Variants in POU2AF1 observed in about 807,000 individuals in gnomAD.
The protein encoded by POU2AF1 is POU domain class 2-associating factor 1.
POU2AF1 carries 12 observed loss-of-function variants against 26.3 expected under a neutral mutation model. The ratio of observed to expected loss-of-function variants is 0.46; its 90% CI spans 0.29 to 0.74. The LOEUF is 0.74. Ranked by LOEUF, POU2AF1 falls within the 30% of genes least tolerant of loss-of-function variation. The pLI is 0.09. For missense variants in POU2AF1, 297 were observed against 334.5 expected (o/e 0.89, Z 0.87); for synonymous variants, 175 against 148.0 (o/e 1.18, Z -1.32).
In POU2AF1 at chr11:111,354,187, T is replaced by C. The variant is rs571649581; in HGVS notation, c.*74A>G. On this transcript the variant is annotated 3_prime_UTR_variant, in exon 5 of 5. Transcript: ENST00000393067. The stretch of plus-strand genomic sequence containing the variant: ...ATGAAATGACTACTCCAAACAAGCA[T>C]GAACCTGGGGCTCAATTCCAGGCTC... 1.6e-5 allele frequency: 25 copies of C among 1,517,496 alleles called. No homozygotes were observed. Among genetic ancestry groups the C allele is most frequent in the Middle Eastern group, 3.5e-4 (2 of 5,738 alleles). 94.0% of individuals were successfully genotyped at this position (1,517,496 alleles called of 1,614,324 possible).
rs773871828 is a variant in POU2AF1 at position 111,352,694 on chromosome 11, G to A, written c.*1567C>T. ...CTCACGCCTGTGATCCCAGCACTCTGAGAGGCTGAGGCGGGCGGATCACAA... is the reference window on the plus strand; with the variant it reads ...CTCACGCCTGTGATCCCAGCACTCTAAGAGGCTGAGGCGGGCGGATCACAA... On this transcript the variant is annotated 3_prime_UTR_variant, in exon 5 of 5. Transcript: ENST00000393067. 3 of 171,334 alleles carry A rather than the reference G, an allele frequency of 1.8e-5. No individual in the cohort carries two copies. Among genetic ancestry groups the A allele is most frequent in the Admixed American group, 1.3e-4 (2 of 15,690 alleles). The allele number at this position is 171,334 out of a possible 1,614,324, so 10.6% of individuals were successfully genotyped here.
intron 1 of POU2AF1, among the ~76,000 whole-genome samples, chr11:111,361,420 C>T (rs57173328): frequency 6.6e-6 from 1 of 152,140 alleles, no homozygotes. Context: ...GTGGAAAGTT[C>T]TTAGATTTAT....
chr11:111,354,561 G>C lies in POU2AF1; in HGVS notation c.471C>G (p.Ala157=), dbSNP rs1860806491. The C allele has an allele frequency of 6.5e-7, 1 of 1,529,176 alleles. No individual in the cohort carries two copies. Among genetic ancestry groups the C allele is most frequent in the Non-Finnish European group, 8.7e-7 (1 of 1,144,134 alleles). 94.7% of individuals were successfully genotyped at this position (1,529,176 alleles called of 1,614,324 possible). ...LITNVTTRSS[A]TPAVGPPLEG... The stretch of plus-strand genomic sequence containing the variant: ...CCAGCGGGGGCCCCACTGCGGGCGT[G>C]GCGGAGCTTCTTGTCTGTGACAGGA... The change falls in exon 5 of 5, where the codon GCC becomes GCG. Residue 157 remains alanine, a synonymous_variant. Coordinates refer to ENST00000393067, the MANE Select transcript of POU2AF1 (RefSeq NM_006235.3).
intron 1 of POU2AF1, among the ~76,000 whole-genome samples, chr11:111,366,470 C>T (rs998385029): frequency 2.0e-5 from 3 of 152,192 alleles, no homozygotes; most frequent in Non-Finnish European, 4.4e-5. Flanking sequence ...TAATATCTTG[C>T]TTGGTAGGCT....
At chr11:111,372,417 T>A (rs1861231667) in intron 1 of POU2AF1, among the ~76,000 whole-genome samples, 1 of 152,168 alleles carries the variant, frequency 6.6e-6, no homozygotes, top group South Asian at 2.1e-4. Flanking sequence ...AGGGCTTTTT[T>A]TTGCCATTGG....
chr11:111,367,504 G>A (rs1339594553), intron 1 of POU2AF1, among the ~76,000 whole-genome samples: 1 of 151,832 alleles, frequency 6.6e-6, no homozygotes, highest in Non-Finnish European at 1.5e-5. Context: ...GTAAGTAACA[G>A]TGTCCTCAAC....
chr11:111,358,875 C>T lies in POU2AF1; in HGVS notation c.60G>A (p.Gln20=). 1.2e-6 allele frequency: 2 copies of T among 1,608,602 alleles called. No individual in the cohort carries two copies. Among genetic ancestry groups the T allele is most frequent in the Non-Finnish European group, 1.7e-6 (2 of 1,179,964 alleles). ...TCACTGGCTCCTTCACACGGACGCCCTGGTATGGCCGGGCCGGGGCTGGGG... is the reference window on the plus strand; with the variant it reads ...TCACTGGCTCCTTCACACGGACGCCTTGGTATGGCCGGGCCGGGGCTGGGG... ...EQAPAPARPY[Q]GVRVKEPVKE... The change falls in exon 2 of 5, where the codon CAG becomes CAA. Residue 20 remains glutamine (Q), a synonymous_variant. Coordinates refer to ENST00000393067, the MANE Select transcript of POU2AF1 (RefSeq NM_006235.3).
chr11:111,353,368 A>G lies in POU2AF1; in HGVS notation c.*893T>C, dbSNP rs1398827388. ...GCATCAAACTCAAGCTTCCTCCCAC[A>G]CCCCTCTCTCCAACTAAGATGCACA... On this transcript the variant is annotated 3_prime_UTR_variant, in exon 5 of 5. Coordinates refer to ENST00000393067, the MANE Select transcript of POU2AF1 (RefSeq NM_006235.3). The G allele has an allele frequency of 4.3e-6, 1 of 232,966 alleles. No homozygotes were observed. Among genetic ancestry groups the G allele is most frequent in the Non-Finnish European group, 8.5e-6 (1 of 118,200 alleles). The allele number at this position is 232,966 out of a possible 1,614,324, so 14.4% of individuals were successfully genotyped here.
rs7117531 is a variant in POU2AF1, at chr11:111,367,971, G to A, written c.17-9053C>T. On this transcript the variant is annotated intron_variant, in intron 1 of 4. Coordinates refer to ENST00000393067, the MANE Select transcript of POU2AF1 (RefSeq NM_006235.3). ...GTTCGCAGATACACTGTGTCCCAGG[G>A]TAGGGGACAAGACCAAGAGACCCCT... Among the ~76,000 whole-genome samples the A allele has an allele frequency of 5.2e-3, 787 of 152,312 alleles. 10 individuals are homozygous for A. Among genetic ancestry groups the A allele is most frequent in the African/African-American group, 0.017 (719 of 41,558 alleles).
At chr11:111,373,337 A>C (rs970218462) in intron 1 of POU2AF1, among the ~76,000 whole-genome samples, 2 of 152,218 alleles carry the variant, frequency 1.3e-5, no homozygotes, top group Non-Finnish European at 2.9e-5. Flanking sequence ...AGCAGTTCTC[A>C]GCCTTCTCAC....
At chr11:111,377,816 T>C in intron 1 of POU2AF1, 1 of 185,208 alleles carries the variant, frequency 5.4e-6, no homozygotes, top group East Asian at 8.6e-5. Flanking sequence ...TCAGCTGCCA[T>C]TGTCCCAGAA....
rs184813849 is a variant in POU2AF1, at chr11:111,363,364, G to A, written c.17-4446C>T. 1.7e-4 allele frequency: 178 copies of A among 1,021,112 alleles called. 1 individual carries two copies. In the African/African-American group the frequency reaches 2.8e-3, roughly 16 times the overall value. The allele number at this position is 1,021,112 out of a possible 1,614,324, so 63.3% of individuals were successfully genotyped here. ...ATATCAGAATCTGAAGCTTCAAGAC[G>A]ATTCCAAAGGAGCCCAACGGCCAAG... On this transcript the variant is annotated intron_variant, in intron 1 of 4. Transcript: ENST00000393067.
At chr11:111,364,374 C>T (rs1861065965) in intron 1 of POU2AF1, 2 of 152,184 alleles carry the variant, frequency 1.3e-5, no homozygotes, top group South Asian at 2.1e-4. Context: ...AAAATATCAC[C>T]CAGGAAACAT....
chr11:111,376,162 T>G lies in POU2AF1; in HGVS notation c.16+3000A>C, dbSNP rs548769041. The stretch of plus-strand genomic sequence containing the variant: ...CCCTACCACTACTTATCAGGAAACT[T>G]GCTATCATTTTACCTACATTCTCTA... On this transcript the variant is annotated intron_variant, in intron 1 of 4. Transcript: ENST00000393067. Among the ~76,000 whole-genome samples, 230 of 152,312 alleles carry G rather than the reference T, an allele frequency of 1.5e-3. 4 individuals are homozygous for G. The highest frequency in any genetic ancestry group is 1.9e-3 in the South Asian group (9 of 4,828).
chr11:111,370,625 G>A (rs758777917), intron 1 of POU2AF1, among the ~76,000 whole-genome samples: 1 of 152,114 alleles, frequency 6.6e-6, no homozygotes, highest in African/African-American at 2.4e-5. Flanking sequence ...AAAACCGCAC[G>A]ATTTTTATTC....
At chr11:111,373,519 G>C (rs1332211637) in intron 1 of POU2AF1, among the ~76,000 whole-genome samples, 1 of 152,158 alleles carries the variant, frequency 6.6e-6, no homozygotes, top group African/African-American at 2.4e-5. Context: ...TTAAATTAAG[G>C]ACTTCTGATT....
At chr11:111,379,034 G>C (rs569836536) in intron 1 of POU2AF1, 128 bp downstream of exon 1, 1 of 908,850 alleles carries the variant, frequency 1.1e-6, no homozygotes, top group South Asian at 1.7e-5. Flanking sequence ...CCGGGGCTTG[G>C]AACCCAGACC....
chr11:111,374,533 A>G (rs528607263), intron 1 of POU2AF1, among the ~76,000 whole-genome samples: 11 of 152,288 alleles, frequency 7.2e-5, no homozygotes, highest in East Asian at 3.9e-4. Context: ...TCCATCTCCA[A>G]TGAAAATGCA....
intron 1 of POU2AF1, chr11:111,359,127 C>T (rs1464928983): frequency 2.6e-6 from 2 of 769,846 alleles, no homozygotes; most frequent in Admixed American, 3.0e-5. Flanking sequence ...CAACGAAGGC[C>T]CAGCTCCTTG....
Sources: allele counts gnomAD v4.1 joint callset (sites outside exome capture counted in the v4.1 genomes callset), GRCh38; gene constraint gnomAD v4.1.1; transcripts MANE v1.5; gene names NCBI Gene and HGNC (gene_info 2026-07-23, HGNC 2026-07-21).